Variants in AFTPH observed in about 807,000 individuals in gnomAD.
The protein encoded by AFTPH is aftiphilin, also known as aftiphilin protein.
A neutral mutation model predicts 72.5 loss-of-function variants in AFTPH; 7 were observed. That is an observed-to-expected ratio of 0.10 (90% CI 0.05 to 0.18). The LOEUF is 0.18. Among genes scored for constraint, AFTPH ranks in the 10% least tolerant of loss-of-function variants. The pLI, the probability that AFTPH is intolerant of heterozygous loss-of-function variation, is 1.00. For synonymous variants in AFTPH, 337 were observed against 370.1 expected, an observed-to-expected ratio of 0.91 and a Z score of 1.03; for missense variants, 979 against 1,060.5, an observed-to-expected ratio of 0.92 and a Z score of 1.07.
chr2:64,583,407 G>A (rs1331249578), intron 7 of AFTPH, among the ~76,000 whole-genome samples: 2 of 147,866 alleles, frequency 1.4e-5, no homozygotes, highest in African/African-American at 2.5e-5. Flanking sequence ...ATAGTTTTGG[G>A]GGGGGTTTTG....
intron 1 of AFTPH, among the ~76,000 whole-genome samples, chr2:64,528,481 A>G (rs150911583): frequency 9.2e-5 from 14 of 152,356 alleles, no homozygotes; most frequent in African/African-American, 3.4e-4. Flanking sequence ...AAAATAAGCA[A>G]TAGCAATAAT....
At chr2:64,559,920 T>A (rs914275640) in intron 2 of AFTPH, among the ~76,000 whole-genome samples, 11 of 152,090 alleles carry the variant, frequency 7.2e-5, no homozygotes, top group Non-Finnish European at 1.5e-5. Context: ...GCCCAGATGG[T>A]CTCCAACTCC....
chr2:64,569,022 T>G, intron 3 of AFTPH, 70 bp from the exon 4 acceptor site: 1 of 1,554,086 alleles, frequency 6.4e-7, no homozygotes, highest in Non-Finnish European at 8.9e-7. Context: ...CACAGCCATA[T>G]TATAAGTAGA....
intron 2 of AFTPH, among the ~76,000 whole-genome samples, chr2:64,564,399 C>T (rs1671923819): frequency 6.6e-6 from 1 of 152,036 alleles, no homozygotes; most frequent in Admixed American, 6.6e-5. Flanking sequence ...ATATTTAATC[C>T]TCTGAATTAT....
chr2:64,580,111 C>T, intron 7 of AFTPH: 1 of 152,724 alleles, frequency 6.5e-6, no homozygotes, highest in East Asian at 1.9e-4. Flanking sequence ...TAATTGGTTT[C>T]ACTTATGGCT....
intron 6 of AFTPH, among the ~76,000 whole-genome samples, chr2:64,576,306 CTT>C (rs1392080126): frequency 6.6e-6 from 1 of 151,882 alleles, no homozygotes; most frequent in Non-Finnish European, 1.5e-5. Flanking sequence ...GGCTTTCAAA[CTT>C]AGCACAAGCA....
At chr2:64,534,787 C>T (rs1477844014) in intron 1 of AFTPH, among the ~76,000 whole-genome samples, 5 of 147,728 alleles carry the variant, frequency 3.4e-5, no homozygotes, top group Non-Finnish European at 7.4e-5. Flanking sequence ...AAATTATATA[C>T]TAATTATAAG....
At chr2:64,589,474 T>C (rs1033962757) in intron 8 of AFTPH, among the ~76,000 whole-genome samples, 2 of 152,206 alleles carry the variant, frequency 1.3e-5, no homozygotes, top group Admixed American at 1.3e-4. Context: ...GAAATGATCA[T>C]GATATAACTT....
chr2:64,554,209 C>T (rs1671224633), intron 2 of AFTPH, among the ~76,000 whole-genome samples: 1 of 152,068 alleles, frequency 6.6e-6, no homozygotes, highest in Non-Finnish European at 1.5e-5. Flanking sequence ...TTTTTTGATT[C>T]AGACTCTTTC....
chr2:64,572,420 A>G (rs190088730), intron 5 of AFTPH, among the ~76,000 whole-genome samples: 67 of 152,262 alleles, frequency 4.4e-4, no homozygotes, highest in African/African-American at 1.5e-3. Flanking sequence ...GTGTTTTACA[A>G]TCAGCTCTCA....
At chr2:64,579,656 C>T in intron 7 of AFTPH, 110 bp downstream of exon 7, 1 of 957,810 alleles carries the variant, frequency 1.0e-6, no homozygotes, top group Non-Finnish European at 1.6e-6. Flanking sequence ...ATAACTTATT[C>T]TTATCTTTGG....
At chr2:64,580,449 G>A (rs896550479) in intron 7 of AFTPH, 3 of 152,294 alleles carry the variant, frequency 2.0e-5, no homozygotes, top group Non-Finnish European at 4.4e-5. Context: ...CTGTTGTCTG[G>A]TGTCTTCAGT....
chr2:64,562,338 C>CTT (rs776199844), intron 2 of AFTPH, among the ~76,000 whole-genome samples: 3 of 126,414 alleles, frequency 2.4e-5, no homozygotes, highest in Non-Finnish European at 1.7e-5. Flanking sequence ...AGGCGAAGTG[C>CTT]TTTTTTTTTT....
intron 2 of AFTPH, among the ~76,000 whole-genome samples, chr2:64,566,986 C>T (rs1672125207): frequency 6.6e-6 from 1 of 152,130 alleles, no homozygotes; most frequent in Non-Finnish European, 1.5e-5. Flanking sequence ...AAAATTGAGA[C>T]ATTCTTTGCT....
At chr2:64,539,627 T>C (rs1428058645) in intron 1 of AFTPH, among the ~76,000 whole-genome samples, 1 of 151,786 alleles carries the variant, frequency 6.6e-6, no homozygotes. Context: ...CAAGAGTGGT[T>C]AGTAGAATAA....
chr2:64,549,308 C>CTTTTT lies in AFTPH; in HGVS notation c.-32-2109_-32-2105dup, dbSNP rs34951706. Among the ~76,000 whole-genome samples the CTTTTT allele has an allele frequency of 3.0e-3, 170 of 56,012 alleles. 11 individuals are homozygous for CTTTTT. Among genetic ancestry groups the CTTTTT allele is most frequent in the African/African-American group, 9.6e-3 (157 of 16,382 alleles). The allele number at this position is 56,012 out of a possible 152,430, so 36.7% of individuals were successfully genotyped here. On this transcript the variant is annotated intron_variant, in intron 1 of 8. Coordinates refer to ENST00000238856, the Ensembl canonical transcript of AFTPH. ...CTAGGACTTTGGCTGTTAGTCCTCC[C>CTTTTT]TTTTTTTTTTTTTTTTTTTTTTTTT...
exon 4 of AFTPH, chr2:64,569,127 T>C: frequency 6.2e-7 from 1 of 1,614,088 alleles, no homozygotes; most frequent in Non-Finnish European, 8.5e-7. Flanking sequence ...CTACAGGATA[T>C]CCATGATGCA....
intron 1 of AFTPH, among the ~76,000 whole-genome samples, chr2:64,528,143 A>G (rs1380454371): frequency 1.3e-5 from 2 of 152,260 alleles, no homozygotes; most frequent in Non-Finnish European, 2.9e-5. Context: ...CTAGCACTGT[A>G]TTTGTGAATA....
chr2:64,579,862 T>C (rs1673064594), intron 7 of AFTPH: 1 of 226,006 alleles, frequency 4.4e-6, no homozygotes, highest in African/African-American at 2.3e-5. Flanking sequence ...ACCTTGAATT[T>C]TTTTCTGTAA....
Sources: gnomAD v4.1 joint callset for allele counts (sites outside exome capture counted in the v4.1 genomes callset) on GRCh38, gnomAD v4.1.1 for gene constraint, MANE v1.5 for transcripts, NCBI Gene and HGNC (gene_info 2026-07-23, HGNC 2026-07-21) for gene names.